RASSF1: variants seen among roughly 807,000 people sequenced by gnomAD.
The protein encoded by RASSF1 is ras association domain-containing protein 1.
Under a neutral mutation model 34.3 loss-of-function variants are expected in RASSF1, and 33 were observed. The ratio of observed to expected loss-of-function variants is 0.96; its 90% confidence interval spans 0.73 to 1.29. The LOEUF (loss-of-function observed/expected upper bound fraction) is 1.29. Among genes scored for constraint, RASSF1 ranks in the 50% most tolerant of loss-of-function variants. The probability of loss-of-function intolerance (pLI) is 0.00; values close to 1 mark genes in which losing one functional copy is unlikely to be tolerated. For missense variants in RASSF1, 445 were observed against 471.8 expected, an observed-to-expected ratio of 0.94 and a Z score of 0.53; for synonymous variants, 191 against 195.0, an observed-to-expected ratio of 0.98 and a Z score of 0.17.
At chr3:50,337,733 C>A (rs587597325) in intron 2 of RASSF1, 172 bp downstream of exon 2, 2 of 868,624 alleles carry the variant, frequency 2.3e-6, no homozygotes, top group Non-Finnish European at 3.5e-6. Context: ...CTTGCGGAGC[C>A]GGCAATCCAG....
In RASSF1 at chr3:50,330,273, ACT is replaced by A. The variant is rs1702886400; in HGVS notation, c.*306_*307del. Reference sequence around the variant, plus strand: ...TGTTTGCAGGGTCTCCAAGATTTTCACTTCTGAGACAAAAATTGAGGAGACTT... The same window carrying A: ...TGTTTGCAGGGTCTCCAAGATTTTCATCTGAGACAAAAATTGAGGAGACTT... On this transcript the variant is annotated 3_prime_UTR_variant, in exon 6 of 6. Transcript: ENST00000359365. The surrounding 1 kb of genome is among the most constrained non-coding windows in gnomAD (Gnocchi z 4.5). 1 of 316,346 alleles carries A rather than the reference ACT, an allele frequency of 3.2e-6. No homozygotes were observed. Among genetic ancestry groups the A allele is most frequent in the African/African-American group, 2.1e-5 (1 of 46,598 alleles). 19.6% of individuals were successfully genotyped at this position (316,346 alleles called of 1,614,324 possible). A position where few individuals can be genotyped will look rare whatever the true frequency, so the allele number is the denominator to read the frequency against.
Position 50,331,361 on chromosome 3 carries a change from C to T in RASSF1, c.849G>A (p.Leu283=). Residue 283 remains leucine (L), a synonymous_variant, in exon 5 of 6, where the codon CTG becomes CTA. Transcript: ENST00000359365. ...TCACCTCCCCAGAGTCATTTTCCTTCAGGACAAAGCTCAGGGCCTTGTCAC... is the reference window on the plus strand; with the variant it reads ...TCACCTCCCCAGAGTCATTTTCCTTTAGGACAAAGCTCAGGGCCTTGTCAC... ...GPSDKALSFV[L]KENDSGEVNW... The T allele has an allele frequency of 6.2e-6, 10 of 1,601,708 alleles. No homozygotes were observed. The highest frequency in any genetic ancestry group is 8.5e-6 in the Non-Finnish European group (10 of 1,172,860).
At position 50,330,365 on chromosome 3, in the gene RASSF1, C is replaced by G; in HGVS notation, c.*216G>C. ...TCAGGGCAGCCCTGGCCCACTAAGG[C>G]CCAGTAATGAGGGCAGAGGGGTGCA... On this transcript the variant is annotated 3_prime_UTR_variant, in exon 6 of 6. Transcript: ENST00000359365. The surrounding 1 kb of genome is among the most constrained non-coding windows in gnomAD (Gnocchi z 4.5). The G allele has an allele frequency of 1.6e-6, 1 of 617,022 alleles. No homozygotes were observed. The highest frequency in any genetic ancestry group is 2.2e-5 in the South Asian group (1 of 46,292). The allele number at this position is 617,022 out of a possible 1,614,324, so 38.2% of individuals were successfully genotyped here.
At chr3:50,337,580 A>C in intron 2 of RASSF1, 2 of 1,336,076 alleles carry the variant, frequency 1.5e-6, no homozygotes, top group Non-Finnish European at 2.0e-6. Context: ...CACCTACCAC[A>C]GGGAACGGGG....
In RASSF1 at chr3:50,331,448, C is replaced by T. The variant is rs1702936021; in HGVS notation, c.762G>A (p.Val254=). 6 of 1,592,696 alleles carry T rather than the reference C, an allele frequency of 3.8e-6. No individual in the cohort carries two copies. In the East Asian group the frequency reaches 1.3e-4, roughly 36 times the overall value. Residue 254 remains valine, a splice_region_variant and synonymous_variant, in exon 5 of 6, where the codon GTG becomes GTA. Transcript: ENST00000359365. Reference sequence around the variant, plus strand: ...CATCATCCAACAGCTTCCGCAAGTACACTGTGAAGGGGAAGTAATGATCAG... The same window carrying T: ...CATCATCCAACAGCTTCCGCAAGTATACTGTGAAGGGGAAGTAATGATCAG... ...LFERAERHGQ[V]YLRKLLDDEQ...
intron 2 of RASSF1, among the ~76,000 whole-genome samples, chr3:50,334,415 C>T (rs1050250460): frequency 4.6e-5 from 7 of 152,050 alleles, no homozygotes; most frequent in Non-Finnish European, 1.0e-4. Flanking sequence ...TGGTGTGGGC[C>T]CTGGAAAATG....
At chr3:50,337,416 G>T (rs587675649) in intron 2 of RASSF1, 19 of 1,581,040 alleles carry the variant, frequency 1.2e-5, no homozygotes, top group Admixed American at 6.9e-5. Context: ...GTGCGCGTGC[G>T]CCCGGGCCAG....
At position 50,335,779 on chromosome 3, in the gene RASSF1, T is replaced by C. The variant is rs185230545; in HGVS notation, c.357+2126A>G. On this transcript the variant is annotated intron_variant, in intron 2 of 5. Coordinates refer to ENST00000359365, the MANE Select transcript of RASSF1 (RefSeq NM_007182.5). ...CACCACCATGCCCGGCTAATTTTTG[T>C]ATGTTTAGTAGAGATAGGGTTTCAC... 2.0e-5 allele frequency among the ~76,000 whole-genome samples: 3 copies of C among 151,424 alleles called. 1 individual carries two copies. The highest frequency in any genetic ancestry group is 2.0e-4 in the Admixed American group (3 of 15,202).
rs1365416749 is a variant in RASSF1 at position 50,340,702 on chromosome 3, G to T, written c.104C>A (p.Ala35Glu). 2.0e-6 allele frequency: 3 copies of T among 1,528,230 alleles called. No homozygotes were observed. Among genetic ancestry groups the T allele is most frequent in the South Asian group, 1.2e-5 (1 of 83,600 alleles). The allele number at this position is 1,528,230 out of a possible 1,614,324, so 94.7% of individuals were successfully genotyped here. A position where few individuals can be genotyped will look rare whatever the true frequency, so the allele number is the denominator to read the frequency against. The change falls in exon 1 of 6, where the codon GCG becomes GAG. Residue 35 changes from alanine to glutamate, a missense_variant. Ala to Glu is a moderately radical substitution (Grantham distance 107). Coordinates refer to ENST00000359365, the MANE Select transcript of RASSF1 (RefSeq NM_007182.5). ...TGTGGGGTTGCACGCGGTGCCCCGCGCGATGCGCAGCGCGTTGGCACGCTC... is the reference window on the plus strand; with the variant it reads ...TGTGGGGTTGCACGCGGTGCCCCGCTCGATGCGCAGCGCGTTGGCACGCTC... ...RLERANALRI[A>E]RGTACNPTRQ...
At chr3:50,340,345 C>T (rs962521871) in intron 1 of RASSF1, among the ~76,000 whole-genome samples, 2 of 152,222 alleles carry the variant, frequency 1.3e-5, no homozygotes, top group African/African-American at 4.8e-5. Flanking sequence ...ATATAAGCAG[C>T]CACCTCTGCT....
rs1702890226 is a variant in RASSF1 at position 50,330,409 on chromosome 3, C to A, written c.*172G>T. ...GGGTGCAGAGCCATACCTGGCTACA[C>A]CCACAGGTGGACACAGGGAGCAAGC... On this transcript the variant is annotated 3_prime_UTR_variant, in exon 6 of 6. Coordinates refer to ENST00000359365, the MANE Select transcript of RASSF1 (RefSeq NM_007182.5). The surrounding 1 kb of genome is among the most constrained non-coding windows in gnomAD (Gnocchi z 4.5). The A allele has an allele frequency of 1.1e-6, 1 of 917,964 alleles. No homozygotes were observed. The highest frequency in any genetic ancestry group is 1.7e-5 in the African/African-American group (1 of 60,142). The allele number at this position is 917,964 out of a possible 1,614,324, so 56.9% of individuals were successfully genotyped here.
At position 50,331,503 on chromosome 3, in the gene RASSF1, GCTCAGGTGCATGCGTATATACC is replaced by G. The variant is rs1206995545; in HGVS notation, c.760+34_760+55del. ...AGGGCCAGCTGCTCAGCCCCTGCATGCTCAGGTGCATGCGTATATACCCTCACATAGGGCAGGGTGGGGTGGG... is the reference window on the plus strand; with the variant it reads ...AGGGCCAGCTGCTCAGCCCCTGCATGCTCACATAGGGCAGGGTGGGGTGGG... On this transcript the variant is annotated intron_variant, in intron 4 of 5. Transcript: ENST00000359365. The G allele has an allele frequency of 5.1e-6, 8 of 1,565,224 alleles. No homozygotes were observed. The South Asian group carries it at 6.9e-5, about 14-fold the overall frequency.
Position 50,340,567 on chromosome 3 carries a change from A to T in RASSF1, c.239T>A (p.Leu80Gln). 1 of 1,541,178 alleles carries T rather than the reference A, an allele frequency of 6.5e-7. No homozygotes were observed. Among genetic ancestry groups the T allele is most frequent in the South Asian group, 1.2e-5 (1 of 84,816 alleles). ...DFIWGVVRKG[L>Q]QCAHCKFTCH... The stretch of plus-strand genomic sequence containing the variant: ...GGGCCACTACTCACGCGCGCACTGC[A>T]GGCCTTTGCGCACGACGCCCCAGAT... Residue 80 changes from leucine to glutamine, a missense_variant, in exon 1 of 6, where the codon CTG (leucine) becomes CAG (glutamine). Coordinates refer to ENST00000359365, the MANE Select transcript of RASSF1 (RefSeq NM_007182.5).
intron 2 of RASSF1, among the ~76,000 whole-genome samples, chr3:50,334,688 G>A (rs1411809629): frequency 6.6e-6 from 1 of 152,210 alleles, no homozygotes; most frequent in Non-Finnish European, 1.5e-5. Context: ...GGAGCCCTGG[G>A]CTGGGATGCA....
intron 2 of RASSF1, among the ~76,000 whole-genome samples, chr3:50,335,311 TTC>T (rs1703091859): frequency 6.8e-6 from 1 of 146,066 alleles, no homozygotes; most frequent in African/African-American, 2.6e-5. Context: ...CTCCTATTCT[TTC>T]TTTTTTTTTT....
chr3:50,335,842 A>T (rs2109344089), intron 2 of RASSF1, among the ~76,000 whole-genome samples: 1 of 150,596 alleles, frequency 6.6e-6, no homozygotes, highest in Admixed American at 6.6e-5. Context: ...CTGATTGCAA[A>T]TGATCCACCT....
chr3:50,339,560 G>T (rs1204386742), intron 1 of RASSF1, among the ~76,000 whole-genome samples: 1 of 151,750 alleles, frequency 6.6e-6, no homozygotes, highest in African/African-American at 2.4e-5. Flanking sequence ...GTAGACATGA[G>T]GTTTCACCAT....
chr3:50,337,703 C>A lies in RASSF1; in HGVS notation c.357+202G>T, dbSNP rs587712624. 1.7e-5 allele frequency: 14 copies of A among 837,998 alleles called. No homozygotes were observed. In the South Asian group the frequency reaches 2.2e-4, roughly 13 times the overall value. The allele number at this position is 837,998 out of a possible 1,614,324, so 51.9% of individuals were successfully genotyped here. On this transcript the variant is annotated intron_variant, in intron 2 of 5. Coordinates refer to ENST00000359365, the MANE Select transcript of RASSF1 (RefSeq NM_007182.5). ...GCCTGGGTCAGCCTGGGCCCGGGTC[C>A]GCTTGCAGCGGGTGGAGTACTTGCG... is the stretch of plus-strand genomic sequence containing the variant.
chr3:50,335,028 C>A (rs963768079), intron 2 of RASSF1, among the ~76,000 whole-genome samples: 2 of 152,222 alleles, frequency 1.3e-5, no homozygotes, highest in African/African-American at 4.8e-5. Context: ...TGGCTCATTG[C>A]AATCTCTGCC....
Sources: gnomAD v4.1 joint callset for allele counts (sites outside exome capture counted in the v4.1 genomes callset) on GRCh38, gnomAD v4.1.1 for gene constraint, Gnocchi (gnomAD v3.1) non-coding constraint, MANE v1.5 for transcripts, NCBI Gene and HGNC (gene_info 2026-07-23, HGNC 2026-07-21) for gene names.